ZDHHC9: variants seen among roughly 807,000 people sequenced by gnomAD.
The protein encoded by ZDHHC9 is zDHHC palmitoyltransferase 9, also known as palmitoyltransferase ZDHHC9.
Under a neutral mutation model 26.6 loss-of-function variants are expected in ZDHHC9, and 3 were observed. That is an observed-to-expected ratio of 0.11 (90% confidence interval 0.05 to 0.29). ZDHHC9 has a LOEUF of 0.29. Among genes scored for constraint, ZDHHC9 ranks in the 10% least tolerant of loss-of-function variants. The pLI is 1.00. For synonymous variants in ZDHHC9, 111 were observed against 109.4 expected, an observed-to-expected ratio of 1.01 and a Z score of -0.09; for missense variants, 146 against 296.4, an observed-to-expected ratio of 0.49 and a Z score of 3.73.
intron 10 of ZDHHC9, 29 bp downstream of exon 10, chrX:129,810,876 C>A: frequency 8.5e-7 from 1 of 1,172,616 alleles, no homozygotes; most frequent in Non-Finnish European, 1.2e-6. Context: ...CTCTCTATAT[C>A]GACCCAGCCT....
At chrX:129,809,943 T>C (rs778868253) in intron 10 of ZDHHC9, among the ~76,000 whole-genome samples, 10 of 94,837 alleles carry the variant, frequency 1.1e-4, no homozygotes, top group African/African-American at 4.1e-4. Context: ...GAGCTGAGAT[T>C]GCACCACCGC....
At chrX:129,812,595 T>C in intron 8 of ZDHHC9, 123 bp downstream of exon 8, 2 of 591,101 alleles carry the variant, frequency 3.4e-6, no homozygotes, top group Non-Finnish European at 5.9e-6. Context: ...CAACCTCGCA[T>C]ACCACGTTTC....
intron 4 of ZDHHC9, 119 bp downstream of exon 4, chrX:129,828,862 A>G: frequency 1.0e-6 from 1 of 970,718 alleles, no homozygotes; most frequent in Non-Finnish European, 1.5e-6. Flanking sequence ...CAGATTCAGG[A>G]TCTCAGAGAG....
intron 3 of ZDHHC9, among the ~76,000 whole-genome samples, chrX:129,834,530 C>G (rs1347205605): frequency 8.9e-6 from 1 of 111,926 alleles, no homozygotes; most frequent in Non-Finnish European, 1.9e-5. Flanking sequence ...GAAAATTAAC[C>G]AAACAGGGAC....
intron 2 of ZDHHC9, among the ~76,000 whole-genome samples, chrX:129,842,459 ATGCTGATAC>A (rs1164615199): frequency 1.8e-5 from 2 of 112,823 alleles, no homozygotes; most frequent in African/African-American, 6.4e-5. Flanking sequence ...CACAGCAGCA[ATGCTGATAC>A]TGCTAACTTC....
At chrX:129,817,272 GA>G (rs1240088931) in intron 5 of ZDHHC9, among the ~76,000 whole-genome samples, 1 of 111,035 alleles carries the variant, frequency 9.0e-6, no homozygotes, top group Non-Finnish European at 1.9e-5. Context: ...CCAACATGGT[GA>G]AACCCCATCT....
chrX:129,810,106 T>C (rs1259987220), intron 10 of ZDHHC9, among the ~76,000 whole-genome samples: 1 of 109,445 alleles, frequency 9.1e-6, no homozygotes, highest in Non-Finnish European at 1.9e-5. Context: ...ATCCCAACAC[T>C]TTGGGAGGCT....
At chrX:129,818,958 G>A (rs893958568) in intron 5 of ZDHHC9, among the ~76,000 whole-genome samples, 1 of 109,680 alleles carries the variant, frequency 9.1e-6, no homozygotes, top group African/African-American at 3.3e-5. Context: ...GGATCACAAG[G>A]TCAGGAGATA....
chrX:129,814,721 T>G lies in ZDHHC9; in HGVS notation c.562A>C (p.Ile188Leu). The change falls in exon 6 of 11, where the codon ATC becomes CTC. Residue 188 changes from isoleucine (I) to leucine (L), a missense_variant. Ile to Leu is a conservative substitution (Grantham distance 5). Transcript: ENST00000357166. ...KRNYRYFYLF[I>L]LSLSLLTIYV... ...ATTGTGAGGAGGGAGAGAGAAAGGATGAAGAGGTAGAAGTAGCGGTAGTTC... is the reference window on the plus strand; with the variant it reads ...ATTGTGAGGAGGGAGAGAGAAAGGAGGAAGAGGTAGAAGTAGCGGTAGTTC... 8.3e-7 allele frequency: 1 copy of G among 1,210,742 alleles called. No individual in the cohort carries two copies. The highest frequency in any genetic ancestry group is 1.1e-6 in the Non-Finnish European group (1 of 895,192).
intron 3 of ZDHHC9, 101 bp downstream of exon 3, chrX:129,841,678 T>C: frequency 9.5e-7 from 1 of 1,050,721 alleles, no homozygotes; most frequent in Non-Finnish European, 1.3e-6. Context: ...AAGAGGACGT[T>C]AAAGTCATCC....
At chrX:129,814,346 C>T (rs992634253) in intron 6 of ZDHHC9, among the ~76,000 whole-genome samples, 3 of 111,885 alleles carry the variant, frequency 2.7e-5, no homozygotes, top group African/African-American at 9.8e-5. Flanking sequence ...AGAGGATGCT[C>T]CGAGACAAAA....
rs1228785708 is a variant in ZDHHC9 at position 129,803,495 on chromosome X, CT to C, written c.*2874del. 8.9e-6 allele frequency: 1 copy of C among 112,473 alleles called. No individual in the cohort carries two copies. 9.3% of individuals were successfully genotyped at this position (112,473 alleles called of 1,213,427 possible). On this transcript the variant is annotated 3_prime_UTR_variant, in exon 11 of 11. Coordinates refer to ENST00000357166, the MANE Select transcript of ZDHHC9 (RefSeq NM_016032.4). The stretch of plus-strand genomic sequence containing the variant: ...AGAAAATAGATTTAAAAACAAAATA[CT>C]TTTTTTCTCCAACAAAGTAAAGAGA...
chrX:129,823,728 G>A lies in ZDHHC9; in HGVS notation c.438C>T (p.Ile146=). The A allele has an allele frequency of 8.2e-7, 1 of 1,212,388 alleles. No individual in the cohort carries two copies. Among genetic ancestry groups the A allele is most frequent in the Non-Finnish European group, 1.1e-6 (1 of 895,644 alleles). ...VKLKYCYTCK[I]FRPPRASHCS... ...AATGGGAGGCCCGGGGAGGCCGGAA[G>A]ATCTTGCATGTGTAACAGTATTTCA... The change falls in exon 5 of 11, where the codon ATC becomes ATT. Residue 146 remains isoleucine (I), a synonymous_variant. Coordinates refer to ENST00000357166, the MANE Select transcript of ZDHHC9 (RefSeq NM_016032.4).
At chrX:129,843,382 G>GGGCCGGAGGCCGGA in intron 1 of ZDHHC9, 56 bp from the exon 2 acceptor site, 1 of 112,429 alleles carries the variant, frequency 8.9e-6, no homozygotes, top group East Asian at 2.9e-4. Flanking sequence ...CCCCAGCGGG[G>GGGCCGGAGGCCGGA]GGCCGGAGGC....
At chrX:129,840,982 G>C (rs1372271524) in intron 3 of ZDHHC9, among the ~76,000 whole-genome samples, 1 of 110,327 alleles carries the variant, frequency 9.1e-6, no homozygotes, top group Admixed American at 9.7e-5. Context: ...GCTCTCAAAG[G>C]CCTCCTCACA....
chrX:129,813,652 G>A, intron 7 of ZDHHC9, 25 bp downstream of exon 7: 2 of 1,203,714 alleles, frequency 1.7e-6, no homozygotes, highest in South Asian at 3.5e-5. Flanking sequence ...AGGCTTCACA[G>A]GGACATACTG....
At position 129,811,339 on chromosome X, in the gene ZDHHC9, C is replaced by G. The variant is rs1296493139; in HGVS notation, c.881+67G>C. The G allele has an allele frequency of 5.1e-6, 5 of 980,136 alleles. No individual in the cohort carries two copies. The African/African-American group carries it at 9.6e-5, about 19-fold the overall frequency. The allele number at this position is 980,136 out of a possible 1,213,427, so 80.8% of individuals were successfully genotyped here. On this transcript the variant is annotated intron_variant, in intron 9 of 10. Transcript: ENST00000357166. ...GCCACACTCAGAAAAACACATCAGA[C>G]AAGGTAACAGGATCAGGTTGAGCTG... is the stretch of plus-strand genomic sequence containing the variant.
Position 129,834,828 on chromosome X carries a change from A to T in ZDHHC9, c.168-5687T>A, listed in dbSNP as rs942643880. 3.6e-5 allele frequency among the ~76,000 whole-genome samples: 4 copies of T among 111,744 alleles called. No homozygotes were observed. The East Asian group carries it at 1.1e-3, about 31-fold the overall frequency. ...AACATCCCACTAATTAATTACCCTG[A>T]ATTAGCTAGCTTCTTGCTACTGCAA... is the stretch of plus-strand genomic sequence containing the variant. On this transcript the variant is annotated intron_variant, in intron 3 of 10. Transcript: ENST00000357166.
At chrX:129,828,578 C>T (rs771506576) in intron 4 of ZDHHC9, among the ~76,000 whole-genome samples, 5 of 110,845 alleles carry the variant, frequency 4.5e-5, no homozygotes, top group African/African-American at 1.6e-4. Context: ...GCCAAGATCA[C>T]GCCACTGCAC....
Sources: allele counts gnomAD v4.1 joint callset (sites outside exome capture counted in the v4.1 genomes callset), GRCh38; gene constraint gnomAD v4.1.1; transcripts MANE v1.5; gene names NCBI Gene and HGNC (gene_info 2026-07-23, HGNC 2026-07-21).